Variants in LY6S observed in about 807,000 individuals in gnomAD.
LY6S encodes lymphocyte antigen 6S.
At chr8:143,059,327 G>T in the LY6S span, among the ~76,000 whole-genome samples, 1 of 152,170 alleles carries the variant, frequency 6.6e-6, no homozygotes, top group South Asian at 2.1e-4. Flanking sequence ...ATGTTTTATG[G>T]TTTTAAGTCC....
At chr8:143,059,345 A>G in the LY6S span, among the ~76,000 whole-genome samples, 1 of 151,974 alleles carries the variant, frequency 6.6e-6, no homozygotes, top group Non-Finnish European at 1.5e-5. Context: ...TCCTACATTC[A>G]GGGCTAGGAT....
At chr8:143,074,908 C>G in the LY6S span, among the ~76,000 whole-genome samples, 25 of 152,246 alleles carry the variant, frequency 1.6e-4, no homozygotes, top group Non-Finnish European at 3.5e-4. Context: ...CCCCCCAAGA[C>G]TGGCAGTTCC....
chr8:143,046,397 G>A, the LY6S span, among the ~76,000 whole-genome samples: 1 of 151,918 alleles, frequency 6.6e-6, no homozygotes, highest in Non-Finnish European at 1.5e-5. Flanking sequence ...CTAACATAGT[G>A]AAACCCCATC....
the LY6S span, among the ~76,000 whole-genome samples, chr8:143,072,220 T>TCCATGC: frequency 7.0e-6 from 1 of 142,758 alleles, no homozygotes; most frequent in Non-Finnish European, 1.5e-5. Flanking sequence ...GGGGTTCCTG[T>TCCATGC]TTGAGGAGAC....
chr8:143,072,407 C>T, the LY6S span, among the ~76,000 whole-genome samples: 2 of 130,694 alleles, frequency 1.5e-5, 1 homozygote, highest in African/African-American at 6.4e-5. Context: ...AGACAGCCGT[C>T]GTCCTCGTGG....
At chr8:143,069,066 A>G in the LY6S span, among the ~76,000 whole-genome samples, 190 of 152,186 alleles carry the variant, frequency 1.2e-3, no homozygotes, top group African/African-American at 4.4e-3. Context: ...GCTGTTTTCA[A>G]CTCACCAAGG....
the LY6S span, among the ~76,000 whole-genome samples, chr8:143,045,856 C>CT: frequency 3.3e-5 from 3 of 90,736 alleles, no homozygotes; most frequent in East Asian, 4.3e-4. This position sits in a 1 kb window ranked among gnomAD's most constrained non-coding sequence, Gnocchi z 5.3. Flanking sequence ...CCAATTTACT[C>CT]ATTTTTTTTT....
chr8:143,070,432 AT>A, the LY6S span, among the ~76,000 whole-genome samples: 1,010 of 97,914 alleles, frequency 0.01, 65 homozygotes, highest in African/African-American at 0.053. Flanking sequence ...TTATATATAT[AT>A]TATATATATA....
At chr8:143,073,090 C>A in the LY6S span, among the ~76,000 whole-genome samples, 1 of 149,276 alleles carries the variant, frequency 6.7e-6, no homozygotes, top group Non-Finnish European at 1.5e-5. Context: ...CAGCCGTCGT[C>A]CCCGGGGTTC....
the LY6S span, among the ~76,000 whole-genome samples, chr8:143,076,266 G>A: frequency 6.6e-6 from 1 of 152,218 alleles, no homozygotes; most frequent in East Asian, 1.9e-4. Flanking sequence ...CAGGCACAGG[G>A]AGTGAGGGGC....
chr8:143,072,583 C>G, the LY6S span, among the ~76,000 whole-genome samples: 1 of 136,150 alleles, frequency 7.3e-6, no homozygotes, highest in African/African-American at 3.2e-5. Flanking sequence ...CCGTCGTCCT[C>G]GGGGTTCCTG....
the LY6S span, among the ~76,000 whole-genome samples, chr8:143,043,537 C>T: frequency 6.6e-6 from 1 of 152,196 alleles, no homozygotes; most frequent in African/African-American, 2.4e-5. Context: ...GAAAGGGCAG[C>T]AGGGTTTGAG....
the LY6S span, among the ~76,000 whole-genome samples, chr8:143,061,808 TGCTGG>T: frequency 6.6e-6 from 1 of 152,236 alleles, no homozygotes; most frequent in East Asian, 1.9e-4. Context: ...CCTCTCAAAG[TGCTGG>T]GATTACAGGT....
chr8:143,068,038 C>T, the LY6S span, among the ~76,000 whole-genome samples: 8 of 152,250 alleles, frequency 5.3e-5, no homozygotes, highest in African/African-American at 1.2e-4. Context: ...AGACCCTTCA[C>T]GGGTGTTGGG....
the LY6S span, among the ~76,000 whole-genome samples, chr8:143,070,648 A>T: frequency 6.7e-6 from 1 of 150,224 alleles, no homozygotes; most frequent in Non-Finnish European, 1.5e-5. Context: ...CACCACACCC[A>T]GCTAATTATT....
chr8:143,061,307 T>C, the LY6S span, among the ~76,000 whole-genome samples: 1 of 151,782 alleles, frequency 6.6e-6, no homozygotes, highest in African/African-American at 2.4e-5. Flanking sequence ...AAAAGATACA[T>C]CATGCTGATA....
chr8:143,068,855 C>A, the LY6S span, among the ~76,000 whole-genome samples: 1 of 152,116 alleles, frequency 6.6e-6, no homozygotes, highest in Non-Finnish European at 1.5e-5. Flanking sequence ...AGTGCCACTC[C>A]CAGAATTGTT....
chr8:143,070,463 T>C, the LY6S span, among the ~76,000 whole-genome samples: 2 of 39,268 alleles, frequency 5.1e-5, no homozygotes, highest in Non-Finnish European at 9.6e-5. Flanking sequence ...TATATATATA[T>C]AATATATATA....
At chr8:143,072,835 G>A in the LY6S span, among the ~76,000 whole-genome samples, 16 of 134,424 alleles carry the variant, frequency 1.2e-4, no homozygotes, top group Admixed American at 2.2e-4. Flanking sequence ...ATTCCTGTTT[G>A]AGGAGACAGC....
Sources: allele counts gnomAD v4.1 joint callset (sites outside exome capture counted in the v4.1 genomes callset), GRCh38; gene constraint gnomAD v4.1.1; non-coding constraint Gnocchi (gnomAD v3.1); transcripts MANE v1.5; gene names NCBI Gene and HGNC (gene_info 2026-07-23, HGNC 2026-07-21).